The following RGL3 variants were observed in gnomAD, a reference collection of about 807,000 sequenced individuals.
RGL3 encodes the protein ral guanine nucleotide dissociation stimulator-like 3.
Under a neutral mutation model 90.6 loss-of-function variants are expected in RGL3, and 85 were observed. The observed-to-expected ratio is 0.94, with a 90% CI of 0.79 to 1.12. The LOEUF (loss-of-function observed/expected upper bound fraction) is 1.12. RGL3 is among the 50% of genes most tolerant of loss of function. RGL3 has a pLI of 0.00. For missense variants in RGL3, 1,034 were observed against 939.2 expected (o/e 1.10, Z -1.32); for synonymous variants, 408 against 385.5 (o/e 1.06, Z -0.68).
At position 11,418,576 on chromosome 19, in the gene RGL3, C is replaced by T. The variant is rs1489093958; in HGVS notation, c.147+95G>A. On this transcript the variant is annotated intron_variant, in intron 2 of 18. Transcript: ENST00000380456. ...CGCCTCCGAGCCCCTCCCTTCCTTC[C>T]GCCCACTGCACCTGGCGGCCTGTGC... is the stretch of plus-strand genomic sequence containing the variant. 5.1e-6 allele frequency: 5 copies of T among 981,986 alleles called. No individual in the cohort carries two copies. The Admixed American group carries it at 9.8e-5, about 19-fold the overall frequency. The allele number at this position is 981,986 out of a possible 1,614,324, so 60.8% of individuals were successfully genotyped here. A position where few individuals can be genotyped will look rare whatever the true frequency, so the allele number is the denominator to read the frequency against.
intron 16 of RGL3, among the ~76,000 whole-genome samples, chr19:11,399,654 G>A (rs1249454719): frequency 3.3e-5 from 5 of 152,064 alleles, no homozygotes; most frequent in Admixed American, 1.3e-4. Context: ...AGCACGAGTC[G>A]GATTTATGAG....
At position 11,415,938 on chromosome 19, in the gene RGL3, T is replaced by G; in HGVS notation, c.636A>C (p.Thr212=). The change falls in exon 5 of 19, where the codon ACA becomes ACC. Residue 212 remains threonine (T), a splice_region_variant and synonymous_variant. Transcript: ENST00000380456. ...CGACTGGATCTGAAAACCCCTCACC[T>G]GTCCACACCTGAGGCGGCTCCTCTT... ...EQEEEPPQVW[T]GPPRVAQTSD... is the part of the protein sequence containing the mutation. 1 of 1,611,344 alleles carries G rather than the reference T, an allele frequency of 6.2e-7. No homozygotes were observed. The highest frequency in any genetic ancestry group is 8.5e-7 in the Non-Finnish European group (1 of 1,178,964).
At chr19:11,412,104 AC>A (rs556067365) in intron 5 of RGL3, among the ~76,000 whole-genome samples, 4 of 149,110 alleles carry the variant, frequency 2.7e-5, no homozygotes, top group Non-Finnish European at 6.0e-5. Context: ...ACATGGAGAA[AC>A]CCCCCTCTCT....
Position 11,418,733 on chromosome 19 carries a change from C to G in RGL3, c.85G>C (p.Val29Leu). 1 of 1,578,284 alleles carries G rather than the reference C, an allele frequency of 6.3e-7. No individual in the cohort carries two copies. Among genetic ancestry groups the G allele is most frequent in the Non-Finnish European group, 8.6e-7 (1 of 1,166,424 alleles). ...TGACTGCGCTGCCGCCGCAGGGAGA[C>G]ACTGTACACCGCGCCGTCCTCGGTC... ...EETEDGAVYSVSLRRQRSQRR... is the reference protein window; with the variant it reads ...EETEDGAVYSLSLRRQRSQRR... The change falls in exon 2 of 19, where the codon GTC becomes CTC. Residue 29 changes from valine (V) to leucine (L), a missense_variant. By Grantham distance (32) the Val-to-Leu change is conservative. Transcript: ENST00000380456.
intron 5 of RGL3, among the ~76,000 whole-genome samples, chr19:11,414,176 TAC>T (rs1242647402): frequency 2.0e-4 from 15 of 75,014 alleles, no homozygotes; most frequent in South Asian, 9.1e-4. Context: ...TATATATATA[TAC>T]ACCTATATAT....
intron 2 of RGL3, among the ~76,000 whole-genome samples, chr19:11,417,767 G>A (rs1340101456): frequency 2.0e-5 from 3 of 152,086 alleles, no homozygotes; most frequent in East Asian, 1.9e-4. Context: ...ACCTCGCCCC[G>A]CCTGTAGCAC....
chr19:11,399,564 C>T (rs1450091035), intron 16 of RGL3, among the ~76,000 whole-genome samples: 1 of 151,964 alleles, frequency 6.6e-6, no homozygotes, highest in African/African-American at 2.4e-5. Flanking sequence ...GCAAGAAGAC[C>T]CTGTTTCAAA....
Position 11,400,099 on chromosome 19 carries a change from G to C in RGL3, c.1590C>G (p.Ala530=). The change falls in exon 15 of 19, where the codon GCC becomes GCG. Residue 530 remains alanine (A), a synonymous_variant. Coordinates refer to ENST00000380456, the MANE Select transcript of RGL3 (RefSeq NM_001035223.4). ...SLTKRLSAKL[A]REKSSSPSGS... The stretch of plus-strand genomic sequence containing the variant: ...CACTAGGTGATGAGCTTTTCTCTCG[G>C]GCAAGCTTCCTAAGGATGGGGACAG... The C allele has an allele frequency of 1.2e-6, 2 of 1,608,938 alleles. No individual in the cohort carries two copies. Among genetic ancestry groups the C allele is most frequent in the Non-Finnish European group, 1.7e-6 (2 of 1,177,876 alleles).
intron 5 of RGL3, among the ~76,000 whole-genome samples, 171 bp downstream of exon 5, chr19:11,415,766 G>T (rs1011226288): frequency 6.6e-6 from 1 of 152,018 alleles, no homozygotes; most frequent in South Asian, 2.1e-4. Flanking sequence ...GAGCCACCAC[G>T]CCCGGCTGAC....
Position 11,415,929 on chromosome 19 carries a change from C to G in RGL3, c.637+8G>C, listed in dbSNP as rs770000250. On this transcript the variant is annotated splice_region_variant and intron_variant, in intron 5 of 18. Coordinates refer to ENST00000380456, the MANE Select transcript of RGL3 (RefSeq NM_001035223.4). ...CTCAGAACACGACTGGATCTGAAAA[C>G]CCCTCACCTGTCCACACCTGAGGCG... The G allele has an allele frequency of 6.2e-6, 10 of 1,608,080 alleles. No homozygotes were observed. Among genetic ancestry groups the G allele is most frequent in the Middle Eastern group, 1.7e-4 (1 of 6,006 alleles).
intron 3 of RGL3, 32 bp downstream of exon 3, chr19:11,416,804 G>A (rs376623213): frequency 6.8e-6 from 11 of 1,609,814 alleles, no homozygotes; most frequent in African/African-American, 1.3e-5. Flanking sequence ...GTTCTAGGGT[G>A]GAGAATACGG....
chr19:11,402,166 C>A, intron 12 of RGL3, 34 bp from the exon 13 acceptor site: 1 of 1,073,552 alleles, frequency 9.3e-7, no homozygotes, highest in Non-Finnish European at 1.5e-6. Flanking sequence ...CTACCCCTGC[C>A]CCACCCCCAC....
chr19:11,407,474 G>A (rs1398586384), intron 5 of RGL3, among the ~76,000 whole-genome samples: 1 of 151,996 alleles, frequency 6.6e-6, no homozygotes. Flanking sequence ...GGCAGGGCAG[G>A]GGTTTGAAGC....
At chr19:11,398,243 A>T (rs1301931966) in intron 16 of RGL3, among the ~76,000 whole-genome samples, 1 of 152,190 alleles carries the variant, frequency 6.6e-6, no homozygotes, top group East Asian at 1.9e-4. Context: ...ATATGCTGAC[A>T]GCGGTTATAC....
Position 11,394,281 on chromosome 19 carries a change from G to T in RGL3, c.*121C>A. The T allele has an allele frequency of 1.3e-6, 1 of 763,330 alleles. No individual in the cohort carries two copies. Among genetic ancestry groups the T allele is most frequent in the Non-Finnish European group, 2.4e-6 (1 of 422,778 alleles). 47.3% of individuals were successfully genotyped at this position (763,330 alleles called of 1,614,324 possible). Reference sequence around the variant, plus strand: ...AAGAGATGGGGTCCAATGGGCTACAGTTGGGTGGTGGTCCTGGGATACACA... The same window carrying T: ...AAGAGATGGGGTCCAATGGGCTACATTTGGGTGGTGGTCCTGGGATACACA... On this transcript the variant is annotated 3_prime_UTR_variant, in exon 19 of 19. Coordinates refer to ENST00000380456, the MANE Select transcript of RGL3 (RefSeq NM_001035223.4).
At position 11,416,085 on chromosome 19, in the gene RGL3, A is replaced by AG. The variant is rs1555720466; in HGVS notation, c.488dup (p.Ala164CysfsTer21). On this transcript the variant is annotated frameshift_variant, in exon 5 of 19. Transcript: ENST00000380456. LOFTEE classifies it high-confidence loss of function. ...GGACACTGCCCAGGTCCGAATGGGC[A>AG]GGGTGGTCTCGGAAATCCTGAGGGT... 4.3e-6 allele frequency: 7 copies of AG among 1,609,674 alleles called. No individual in the cohort carries two copies. In the Admixed American group the frequency reaches 6.8e-5, roughly 16 times the overall value.
chr19:11,406,404 G>A lies in RGL3; in HGVS notation c.996+15C>T, dbSNP rs2144727924. On this transcript the variant is annotated intron_variant, in intron 7 of 18. Coordinates refer to ENST00000380456, the MANE Select transcript of RGL3 (RefSeq NM_001035223.4). Reference sequence around the variant, plus strand: ...GGGCCCGCCCCCGCATCCCCTCTCCGCGCCCGCAACACACCTGGGCGATGC... The same window carrying A: ...GGGCCCGCCCCCGCATCCCCTCTCCACGCCCGCAACACACCTGGGCGATGC... 1.3e-6 allele frequency: 2 copies of A among 1,523,758 alleles called. No homozygotes were observed. The highest frequency in any genetic ancestry group is 2.5e-5 in the East Asian group (1 of 40,602). The allele number at this position is 1,523,758 out of a possible 1,614,324, so 94.4% of individuals were successfully genotyped here. A position where few individuals can be genotyped will look rare whatever the true frequency, so the allele number is the denominator to read the frequency against.
intron 5 of RGL3, 90 bp downstream of exon 5, chr19:11,415,847 G>A (rs955358164): frequency 2.6e-6 from 3 of 1,146,658 alleles, no homozygotes; most frequent in African/African-American, 1.6e-5. Context: ...CTTAAGTTTT[G>A]TAGCTCTGAG....
chr19:11,418,701 C>G lies in RGL3; in HGVS notation c.117G>C (p.Arg39Ser). The G allele has an allele frequency of 6.4e-7, 1 of 1,569,856 alleles. No homozygotes were observed. Among genetic ancestry groups the G allele is most frequent in the Non-Finnish European group, 8.6e-7 (1 of 1,163,086 alleles). The change falls in exon 2 of 19, where the codon AGG becomes AGC. Residue 39 changes from arginine (R) to serine (S), a missense_variant. Arg to Ser is a moderately radical substitution (Grantham distance 110). Coordinates refer to ENST00000380456, the MANE Select transcript of RGL3 (RefSeq NM_001035223.4). ...VSLRRQRSQR[R>S]SPAEGPGGSQ... ...TGCCCCCGGGGCCCTCCGCCGGGCT[C>G]CTGCGCTGACTGCGCTGCCGCCGCA...
Sources: gnomAD v4.1 joint callset for allele counts (sites outside exome capture counted in the v4.1 genomes callset) on GRCh38, gnomAD v4.1.1 for gene constraint, MANE v1.5 for transcripts, NCBI Gene and HGNC (gene_info 2026-07-23, HGNC 2026-07-21) for gene names.